LIPC: variants seen among roughly 807,000 people sequenced by gnomAD.
LIPC encodes lipase C, hepatic type, also known as hepatic triacylglycerol lipase.
LIPC carries 44 observed loss-of-function variants against 50.7 expected under a neutral mutation model. That is an observed-to-expected ratio of 0.87 (90% CI 0.68 to 1.11). The LOEUF (loss-of-function observed/expected upper bound fraction) is 1.11, where lower values mean the gene tolerates loss of function less well. Among genes scored for constraint, LIPC ranks in the 50% most tolerant of loss-of-function variants. The probability of loss-of-function intolerance (pLI) is 0.00; values close to 1 mark genes in which losing one functional copy is unlikely to be tolerated. For missense variants in LIPC, 697 were observed against 648.2 expected, an observed-to-expected ratio of 1.08 and a Z score of -0.82; for synonymous variants, 271 against 256.4, an observed-to-expected ratio of 1.06 and a Z score of -0.54.
intron 1 of LIPC, chr15:58,436,950 T>C (rs1330627049): frequency 2.5e-5 from 11 of 442,924 alleles, no homozygotes; most frequent in South Asian, 1.6e-4. Flanking sequence ...TAGAACGGTG[T>C]TGATAGCAAC....
At chr15:58,487,287 T>C (rs1281528732) in intron 1 of LIPC, among the ~76,000 whole-genome samples, 1 of 152,212 alleles carries the variant, frequency 6.6e-6, no homozygotes, top group Non-Finnish European at 1.5e-5. Context: ...TCCATTCTCA[T>C]GGGCAAATGA....
intron 7 of LIPC, 42 bp downstream of exon 7, chr15:58,561,023 T>G (rs1394822225): frequency 1.1e-6 from 1 of 924,570 alleles, no homozygotes; most frequent in East Asian, 2.4e-5. Context: ...GACACACTTA[T>G]TTTTCTTGCA....
intron 1 of LIPC, among the ~76,000 whole-genome samples, chr15:58,432,815 A>G (rs1893170584): frequency 6.6e-6 from 1 of 152,210 alleles, no homozygotes; most frequent in Admixed American, 6.5e-5. Context: ...ATTTGGCCAG[A>G]CTAGACAGGT....
chr15:58,532,680 A>G (rs768965085), intron 1 of LIPC, among the ~76,000 whole-genome samples: 57 of 152,196 alleles, frequency 3.7e-4, no homozygotes, highest in Admixed American at 6.5e-4. Flanking sequence ...AACAGCTTCT[A>G]GCCCAGGCAT....
intron 1 of LIPC, among the ~76,000 whole-genome samples, chr15:58,454,141 T>C (rs1184055005): frequency 6.6e-6 from 1 of 152,214 alleles, no homozygotes; most frequent in Non-Finnish European, 1.5e-5. Flanking sequence ...ACCTGTTCTC[T>C]CCCTGCTGTT....
At chr15:58,486,343 A>G (rs6494015) in intron 1 of LIPC, among the ~76,000 whole-genome samples, 150,171 of 152,272 alleles carry the variant, frequency 0.99, 74,087 homozygotes, top group Middle Eastern at 1. Context: ...GACTTTGGGT[A>G]GTATATCAGC....
intron 1 of LIPC, among the ~76,000 whole-genome samples, chr15:58,456,770 C>G (rs1161984386): frequency 6.6e-6 from 1 of 152,222 alleles, no homozygotes. Flanking sequence ...TTGGGGAAAA[C>G]GAGAGGTCCT....
At chr15:58,552,956 G>A (rs770938648) in intron 6 of LIPC, among the ~76,000 whole-genome samples, 30 of 152,222 alleles carry the variant, frequency 2.0e-4, no homozygotes, top group Admixed American at 4.6e-4. Context: ...GGTCAGTTCA[G>A]TGTGGAGGAA....
At chr15:58,511,254 G>C (rs1892322340) in intron 1 of LIPC, among the ~76,000 whole-genome samples, 1 of 151,944 alleles carries the variant, frequency 6.6e-6, no homozygotes, top group African/African-American at 2.4e-5. Context: ...CAACTCAAAG[G>C]CATCCTTCAG....
At chr15:58,442,540 T>C (rs1893543031) in intron 1 of LIPC, among the ~76,000 whole-genome samples, 1 of 152,228 alleles carries the variant, frequency 6.6e-6, no homozygotes, top group South Asian at 2.1e-4. Flanking sequence ...AGAAAACTCT[T>C]ACATTTCTTG....
At chr15:58,458,135 G>GT (rs1566913946) in intron 1 of LIPC, among the ~76,000 whole-genome samples, 1 of 150,006 alleles carries the variant, frequency 6.7e-6, no homozygotes, top group South Asian at 2.1e-4. Context: ...ACCTGTTTCC[G>GT]TTTTTTTACT....
chr15:58,432,424 A>C, intron 1 of LIPC: 1 of 401,156 alleles, frequency 2.5e-6, no homozygotes, highest in Non-Finnish European at 4.7e-6. Context: ...AATGATATGA[A>C]AGCGATTCAG....
chr15:58,485,113 G>A (rs1259113380), intron 1 of LIPC, among the ~76,000 whole-genome samples: 1 of 152,162 alleles, frequency 6.6e-6, no homozygotes, highest in African/African-American at 2.4e-5. Context: ...CTTTGGCAGG[G>A]GTAATAGCAT....
intron 1 of LIPC, among the ~76,000 whole-genome samples, chr15:58,492,001 C>A (rs1348385117): frequency 6.6e-6 from 1 of 152,190 alleles, no homozygotes; most frequent in Non-Finnish European, 1.5e-5. Context: ...CAGTTGGATA[C>A]CTTGACATGG....
intron 6 of LIPC, among the ~76,000 whole-genome samples, chr15:58,550,995 C>T (rs990885915): frequency 1.3e-5 from 2 of 151,576 alleles, no homozygotes; most frequent in African/African-American, 4.8e-5. Context: ...CACCACCACG[C>T]CCAGCTAATT....
At chr15:58,502,712 A>G (rs1419648451) in intron 1 of LIPC, among the ~76,000 whole-genome samples, 1 of 152,152 alleles carries the variant, frequency 6.6e-6, no homozygotes, top group African/African-American at 2.4e-5. Flanking sequence ...AATTAGAAAT[A>G]AGTTCTCTAA....
At chr15:58,479,371 T>G (rs920129442) in intron 1 of LIPC, among the ~76,000 whole-genome samples, 1 of 152,238 alleles carries the variant, frequency 6.6e-6, no homozygotes, top group Admixed American at 6.5e-5. Flanking sequence ...CATTGAAATG[T>G]GAAGCGCATT....
chr15:58,480,998 A>G (rs1414908172), intron 1 of LIPC, among the ~76,000 whole-genome samples: 2 of 152,204 alleles, frequency 1.3e-5, no homozygotes, highest in African/African-American at 2.4e-5. Flanking sequence ...CAGATGTTCC[A>G]TAAGCATCCA....
At chr15:58,532,476 G>A (rs1341145686) in intron 1 of LIPC, among the ~76,000 whole-genome samples, 2 of 152,258 alleles carry the variant, frequency 1.3e-5, no homozygotes, top group African/African-American at 2.4e-5. Context: ...CCCTTGCCAG[G>A]TCTAGGAATA....
Sources: gnomAD v4.1 joint callset for allele counts (sites outside exome capture counted in the v4.1 genomes callset) on GRCh38, gnomAD v4.1.1 for gene constraint, MANE v1.5 for transcripts, NCBI Gene and HGNC (gene_info 2026-07-23, HGNC 2026-07-21) for gene names.